The following NAALADL2 variants were observed in gnomAD, a reference collection of about 807,000 sequenced individuals.
NAALADL2 encodes the protein N-acetylated alpha-linked acidic dipeptidase like 2.
A neutral mutation model predicts 87.2 loss-of-function variants in NAALADL2; 76 were observed. The ratio of observed to expected loss-of-function variants is 0.87; its 90% CI spans 0.72 to 1.05. The LOEUF is 1.05. NAALADL2 is among the 50% of genes least tolerant of loss of function. NAALADL2 has a pLI of 0.00. For missense variants in NAALADL2, 1,089 were observed against 945.8 expected, an observed-to-expected ratio of 1.15 and a Z score of -1.99; for synonymous variants, 354 against 331.0, an observed-to-expected ratio of 1.07 and a Z score of -0.75.
chr3:174,926,210 A>G (rs1736007162), intron 1 of NAALADL2, among the ~76,000 whole-genome samples: 1 of 152,226 alleles, frequency 6.6e-6, no homozygotes, highest in Non-Finnish European at 1.5e-5. Flanking sequence ...GGACTATGTG[A>G]AAAGACCAAA....
At chr3:174,759,898 G>T (rs907930347) in intron 3 of NAALADL2, among the ~76,000 whole-genome samples, 8 of 151,900 alleles carry the variant, frequency 5.3e-5, no homozygotes, top group Admixed American at 3.3e-4. Context: ...ATGGGGTTTT[G>T]CCATGTTGGC....
At chr3:174,857,091 G>T (rs1186446171), upstream of NAALADL2, among the ~76,000 whole-genome samples, 1 of 152,116 alleles carries the variant, frequency 6.6e-6, no homozygotes, top group Non-Finnish European at 1.5e-5. Context: ...AGGGGTGTCT[G>T]GGAGCACAAG....
intron 2 of NAALADL2, among the ~76,000 whole-genome samples, chr3:174,624,075 G>A (rs1004624163): frequency 7.9e-5 from 12 of 151,950 alleles, no homozygotes; most frequent in Non-Finnish European, 1.8e-4. Flanking sequence ...CTTATTTTAA[G>A]ATATTTTAAA....
intron 4 of NAALADL2, among the ~76,000 whole-genome samples, chr3:175,318,689 G>A (rs1759465185): frequency 1.3e-5 from 2 of 152,150 alleles, no homozygotes; most frequent in South Asian, 4.1e-4. Context: ...ATTTTAAGGT[G>A]ATGTGTGTAT....
chr3:174,941,621 G>A (rs889310329), intron 1 of NAALADL2, among the ~76,000 whole-genome samples: 2 of 151,980 alleles, frequency 1.3e-5, no homozygotes, highest in East Asian at 3.9e-4. Flanking sequence ...TCATTATTTT[G>A]TGGGAGTCTA....
At chr3:175,324,525 A>G (rs1760442745) in intron 5 of NAALADL2, among the ~76,000 whole-genome samples, 200 bp downstream of exon 5, 1 of 152,224 alleles carries the variant, frequency 6.6e-6, no homozygotes, top group Non-Finnish European at 1.5e-5. Flanking sequence ...TTTAGACTGT[A>G]ATGTATTTTT....
intron 11 of NAALADL2, among the ~76,000 whole-genome samples, chr3:175,671,462 A>T (rs1733995045): frequency 6.6e-6 from 1 of 152,010 alleles, no homozygotes; most frequent in African/African-American, 2.4e-5. Context: ...ATTTGTCATT[A>T]AAGTATTGCT....
intron 2 of NAALADL2, among the ~76,000 whole-genome samples, chr3:175,160,282 G>A (rs16824365): frequency 5.3e-5 from 8 of 150,042 alleles, no homozygotes; most frequent in African/African-American, 1.5e-4. Context: ...TTTTACAAGG[G>A]GCTAAATATA....
intron 1 of NAALADL2, among the ~76,000 whole-genome samples, chr3:175,065,800 C>T (rs79652111): frequency 2.6e-5 from 4 of 151,988 alleles, no homozygotes; most frequent in African/African-American, 9.7e-5. Context: ...TCACTGAACC[C>T]GAGAAAAACC....
intron 2 of NAALADL2, among the ~76,000 whole-genome samples, chr3:175,173,575 CTTTA>C (rs1735207418): frequency 1.3e-5 from 2 of 152,228 alleles, no homozygotes; most frequent in African/African-American, 4.8e-5. Context: ...AAATATGAAC[CTTTA>C]TTTATCCACC....
intron 2 of NAALADL2, among the ~76,000 whole-genome samples, chr3:174,723,564 G>T (rs2108958573): frequency 6.6e-6 from 1 of 152,044 alleles, no homozygotes; most frequent in South Asian, 2.1e-4. Flanking sequence ...GACCATCCTG[G>T]CTAACATGGT....
chr3:175,351,523 GTAGTT>G (rs1763774455), intron 5 of NAALADL2, among the ~76,000 whole-genome samples: 1 of 151,870 alleles, frequency 6.6e-6, no homozygotes, highest in Non-Finnish European at 1.5e-5. Flanking sequence ...GAATAAATCA[GTAGTT>G]TTATCATTTA....
intron 9 of NAALADL2, among the ~76,000 whole-genome samples, chr3:175,521,442 T>G (rs774561077): frequency 7.7e-4 from 117 of 152,236 alleles, no homozygotes; most frequent in Non-Finnish European, 1.4e-3. Context: ...ATATTCTGCT[T>G]TCGATGCTAA....
intron 1 of NAALADL2, among the ~76,000 whole-genome samples, chr3:174,520,130 C>T (rs1395268700): frequency 1.3e-5 from 2 of 152,108 alleles, no homozygotes; most frequent in African/African-American, 2.4e-5. Flanking sequence ...GTTAAAGTGA[C>T]CATACTGCCT....
chr3:175,164,370 T>C (rs1227194147), intron 2 of NAALADL2, among the ~76,000 whole-genome samples: 1 of 151,962 alleles, frequency 6.6e-6, no homozygotes, highest in Non-Finnish European at 1.5e-5. Context: ...TTATCACATA[T>C]TATTCTAGTT....
intron 2 of NAALADL2, among the ~76,000 whole-genome samples, chr3:175,167,137 C>T (rs1470632948): frequency 6.6e-6 from 1 of 151,998 alleles, no homozygotes; most frequent in Non-Finnish European, 1.5e-5. Flanking sequence ...AGATGGTAAA[C>T]ATTTTAGACT....
chr3:175,445,915 C>T (rs1431962368), intron 5 of NAALADL2, among the ~76,000 whole-genome samples: 3 of 152,124 alleles, frequency 2.0e-5, no homozygotes, highest in South Asian at 2.1e-4. Context: ...CTCTGCTGAC[C>T]GCCTGCCATC....
chr3:174,672,647 G>C (rs1726671842), intron 2 of NAALADL2, among the ~76,000 whole-genome samples: 1 of 152,072 alleles, frequency 6.6e-6, no homozygotes, highest in Non-Finnish European at 1.5e-5. Flanking sequence ...TTTTATAGAA[G>C]ATAGGCTAAG....
intron 1 of NAALADL2, among the ~76,000 whole-genome samples, chr3:174,510,550 A>T (rs1051041217): frequency 6.6e-6 from 1 of 151,770 alleles, no homozygotes; most frequent in African/African-American, 2.4e-5. Context: ...TATGCTTTTG[A>T]TGCATGTATA....
Sources: allele counts gnomAD v4.1 joint callset (sites outside exome capture counted in the v4.1 genomes callset), GRCh38; gene constraint gnomAD v4.1.1; transcripts MANE v1.5; gene names NCBI Gene and HGNC (gene_info 2026-07-23, HGNC 2026-07-21).